LRRIQ1: variants seen among roughly 807,000 people sequenced by gnomAD.
LRRIQ1 encodes leucine rich repeats and IQ motif containing 1.
A neutral mutation model predicts 211.9 loss-of-function variants in LRRIQ1; 210 were observed. The observed-to-expected ratio is 0.99, with a 90% CI of 0.89 to 1.11. The LOEUF (loss-of-function observed/expected upper bound fraction) is 1.11, where lower values mean the gene tolerates loss of function less well. Ranked by LOEUF, LRRIQ1 falls within the 50% of genes most tolerant of loss-of-function variation. The pLI, the probability that LRRIQ1 is intolerant of heterozygous loss-of-function variation, is 0.00. For synonymous variants in LRRIQ1, 699 were observed against 650.1 expected (o/e 1.08, Z -1.14); for missense variants, 2,136 against 1,939.5 (o/e 1.10, Z -1.90).
chr12:85,061,358 G>A (rs929558623), intron 8 of LRRIQ1, among the ~76,000 whole-genome samples: 2 of 151,580 alleles, frequency 1.3e-5, no homozygotes, highest in Admixed American at 1.3e-4. Context: ...ATCTGTGGTC[G>A]AGTAGGGGAC....
chr12:85,241,096 T>C lies in LRRIQ1; in HGVS notation c.5017-3693T>C, dbSNP rs548964839. On this transcript the variant is annotated intron_variant, in intron 26 of 26. Coordinates refer to ENST00000393217, the MANE Select transcript of LRRIQ1 (RefSeq NM_001079910.2). ...AAGGTCAGTAGTTTAGTAATAGTAT[T>C]GATACAGTGTCAGTTTTCTGGTTTT... Among the ~76,000 whole-genome samples the C allele has an allele frequency of 4.6e-5, 7 of 152,202 alleles. No individual in the cohort carries two copies. In the East Asian group the frequency reaches 1.4e-3, roughly 29 times the overall value.
At chr12:85,072,832 C>A in intron 10 of LRRIQ1, 75 bp from the exon 11 acceptor site, 1 of 989,010 alleles carries the variant, frequency 1.0e-6, no homozygotes, top group Non-Finnish European at 1.4e-6. Flanking sequence ...AAATTTTTTT[C>A]TCATATAAGC....
chr12:85,167,954 A>G (rs1236870960), intron 24 of LRRIQ1, among the ~76,000 whole-genome samples: 1 of 152,236 alleles, frequency 6.6e-6, no homozygotes, highest in Non-Finnish European at 1.5e-5. Context: ...TAAAGTTAAC[A>G]ACACTTAAAT....
At chr12:85,181,880 T>C (rs915929026) in intron 24 of LRRIQ1, among the ~76,000 whole-genome samples, 2 of 152,050 alleles carry the variant, frequency 1.3e-5, no homozygotes, top group African/African-American at 4.8e-5. Context: ...TTATCAGGTT[T>C]TGTATTGAAA....
At chr12:85,214,896 A>G (rs1172189441) in intron 24 of LRRIQ1, among the ~76,000 whole-genome samples, 8 of 152,172 alleles carry the variant, frequency 5.3e-5, no homozygotes, top group African/African-American at 1.7e-4. Context: ...TCATAATAGT[A>G]GTGAAACAGC....
At chr12:85,229,933 T>C (rs1363327302) in intron 25 of LRRIQ1, among the ~76,000 whole-genome samples, 2 of 152,218 alleles carry the variant, frequency 1.3e-5, no homozygotes, top group African/African-American at 4.8e-5. Flanking sequence ...ATTCATTAAA[T>C]GTTTTTAGAT....
chr12:85,268,765 G>A (rs192398074), downstream of LRRIQ1, among the ~76,000 whole-genome samples: 44 of 151,806 alleles, frequency 2.9e-4, no homozygotes, highest in Non-Finnish European at 5.5e-4. Flanking sequence ...GTTTTGTTTC[G>A]TTGTTAATCT....
chr12:85,208,796 A>G (rs1328357563), intron 24 of LRRIQ1, among the ~76,000 whole-genome samples: 1 of 152,166 alleles, frequency 6.6e-6, no homozygotes, highest in Non-Finnish European at 1.5e-5. Context: ...TTAAGTTCCA[A>G]AGGCAACACA....
At chr12:85,218,689 A>C (rs1049727581) in intron 24 of LRRIQ1, among the ~76,000 whole-genome samples, 1 of 152,080 alleles carries the variant, frequency 6.6e-6, no homozygotes, top group Admixed American at 6.6e-5. Context: ...GACCTCTTGT[A>C]ATGGAAAATG....
chr12:85,222,593 G>A (rs1013490146), intron 24 of LRRIQ1, among the ~76,000 whole-genome samples: 24 of 152,200 alleles, frequency 1.6e-4, no homozygotes, highest in African/African-American at 4.8e-4. Context: ...CCATAACGCA[G>A]ATGGCAAGTA....
At chr12:85,266,715 G>T (rs1896428691), downstream of LRRIQ1, among the ~76,000 whole-genome samples, 1 of 152,160 alleles carries the variant, frequency 6.6e-6, no homozygotes, top group South Asian at 2.1e-4. Context: ...CAGCATGGAA[G>T]AGTGTCACAA....
At chr12:85,245,471 G>A (rs940226982), downstream of LRRIQ1, among the ~76,000 whole-genome samples, 1 of 148,280 alleles carries the variant, frequency 6.7e-6, no homozygotes, top group Non-Finnish European at 1.5e-5. Flanking sequence ...CCTTTAACTT[G>A]GTGAGAAATA....
chr12:85,052,142 G>C (rs1379680321), intron 6 of LRRIQ1, 35 bp from the exon 7 acceptor site: 1 of 1,085,218 alleles, frequency 9.2e-7, no homozygotes, highest in African/African-American at 1.6e-5. Flanking sequence ...TTTGATATTT[G>C]AGTATAGTCA....
At chr12:85,126,522 G>A (rs1173459900) in intron 17 of LRRIQ1, among the ~76,000 whole-genome samples, 1 of 152,128 alleles carries the variant, frequency 6.6e-6, no homozygotes, top group Non-Finnish European at 1.5e-5. Flanking sequence ...ATGAATAAAT[G>A]TGAATTATAT....
At chr12:85,256,796 A>C (rs1271446936) in intron 1 of LRRIQ1, among the ~76,000 whole-genome samples, 1 of 150,994 alleles carries the variant, frequency 6.6e-6, no homozygotes, top group Non-Finnish European at 1.5e-5. Context: ...GTGTTGAATG[A>C]ATATGTAAAT....
intron 11 of LRRIQ1, among the ~76,000 whole-genome samples, chr12:85,094,535 G>A (rs1885692603): frequency 6.6e-6 from 1 of 152,020 alleles, no homozygotes; most frequent in African/African-American, 2.4e-5. Context: ...ATAGTTTGAA[G>A]TCTGGTAGTG....
chr12:85,092,466 G>A (rs546010032), intron 11 of LRRIQ1, among the ~76,000 whole-genome samples: 6 of 152,224 alleles, frequency 3.9e-5, no homozygotes, highest in Middle Eastern at 3.4e-3. Context: ...AAACATCACC[G>A]GAGAGTTTAT....
chr12:85,224,994 TACTC>T (rs575767793), intron 24 of LRRIQ1, among the ~76,000 whole-genome samples: 69 of 152,254 alleles, frequency 4.5e-4, no homozygotes, highest in African/African-American at 1.5e-3. Context: ...TTTATTATAA[TACTC>T]ACTGAAAAAT....
intron 24 of LRRIQ1, among the ~76,000 whole-genome samples, chr12:85,164,887 A>G (rs1432535785): frequency 6.6e-6 from 1 of 152,212 alleles, no homozygotes; most frequent in African/African-American, 2.4e-5. Flanking sequence ...TACTTAGGAA[A>G]AAAGTAAAGA....
Sources: gnomAD v4.1 joint callset for allele counts (sites outside exome capture counted in the v4.1 genomes callset) on GRCh38, gnomAD v4.1.1 for gene constraint, MANE v1.5 for transcripts, NCBI Gene and HGNC (gene_info 2026-07-23, HGNC 2026-07-21) for gene names.